The following IFT88 variants were observed in gnomAD, a reference collection of about 807,000 sequenced individuals.
IFT88 encodes the protein intraflagellar transport protein 88 homolog.
A neutral mutation model predicts 119.5 loss-of-function variants in IFT88; 74 were observed. The ratio of observed to expected loss-of-function variants is 0.62; its 90% CI spans 0.51 to 0.75. IFT88 has a LOEUF of 0.75. IFT88 is among the 30% of genes least tolerant of loss of function. The pLI, the probability that IFT88 is intolerant of heterozygous loss-of-function variation, is 0.00. For synonymous variants in IFT88, 279 were observed against 316.7 expected (o/e 0.88, Z 1.26); for missense variants, 961 against 977.7 (o/e 0.98, Z 0.23).
At chr13:20,690,575 C>T (rs2058376087) in intron 24 of IFT88, 130 bp from the exon 25 acceptor site, 1 of 597,604 alleles carries the variant, frequency 1.7e-6, no homozygotes, top group Non-Finnish European at 3.0e-6. Context: ...AATTATATCC[C>T]TAAGAAGCTG....
intron 13 of IFT88, among the ~76,000 whole-genome samples, chr13:20,609,484 C>T (rs530429343): frequency 2.0e-5 from 3 of 152,208 alleles, no homozygotes; most frequent in East Asian, 1.9e-4. Context: ...GGGCTGGGTG[C>T]GGTGGTTCAA....
intron 2 of IFT88, among the ~76,000 whole-genome samples, chr13:20,579,359 G>A (rs146564286): frequency 7.9e-5 from 12 of 152,154 alleles, no homozygotes; most frequent in African/African-American, 2.2e-4. Context: ...GCACTGAACC[G>A]TAAGACAAAG....
chr13:20,668,136 G>C (rs117279393), intron 23 of IFT88, among the ~76,000 whole-genome samples: 110 of 152,298 alleles, frequency 7.2e-4, no homozygotes, highest in African/African-American at 2.5e-3. Flanking sequence ...CACTCTTAAA[G>C]GGCAAGGTCA....
intron 15 of IFT88, among the ~76,000 whole-genome samples, chr13:20,626,818 C>G (rs555149298): frequency 1.3e-5 from 2 of 152,164 alleles, no homozygotes; most frequent in African/African-American, 4.8e-5. Context: ...ATGTCCTAGT[C>G]TGTAACACCA....
chr13:20,574,674 G>A (rs1423182630), intron 2 of IFT88, among the ~76,000 whole-genome samples, 199 bp downstream of exon 2: 1 of 152,112 alleles, frequency 6.6e-6, no homozygotes, highest in Non-Finnish European at 1.5e-5. Flanking sequence ...CATGAGACAG[G>A]TTACAAAAAT....
chr13:20,625,728 T>A, intron 14 of IFT88, 22 bp from the exon 15 acceptor site: 1 of 1,523,338 alleles, frequency 6.6e-7, no homozygotes, highest in Admixed American at 2.1e-5. Flanking sequence ...TCAAGTAAGG[T>A]TTTTTATGCT....
chr13:20,657,466 A>G (rs1187214289), intron 22 of IFT88, among the ~76,000 whole-genome samples: 2 of 152,284 alleles, frequency 1.3e-5, no homozygotes, highest in African/African-American at 4.8e-5. Context: ...ATGTGGAAAT[A>G]TAAAGCAATT....
chr13:20,690,637 G>T, intron 24 of IFT88, 68 bp from the exon 25 acceptor site: 1 of 1,006,222 alleles, frequency 9.9e-7, no homozygotes, highest in African/African-American at 1.6e-5. Context: ...TATGCTTTAA[G>T]ATGCATAATG....
At chr13:20,659,047 T>C (rs2053358906) in intron 22 of IFT88, among the ~76,000 whole-genome samples, 1 of 152,272 alleles carries the variant, frequency 6.6e-6, no homozygotes. Context: ...TGGAATGTGC[T>C]GTTTTAAGAA....
At chr13:20,602,206 CTTT>C (rs11458148) in intron 12 of IFT88, among the ~76,000 whole-genome samples, 3 of 118,182 alleles carry the variant, frequency 2.5e-5, no homozygotes, top group Non-Finnish European at 1.7e-5. Context: ...AGCATAATAT[CTTT>C]TTTTTTTTTT....
intron 15 of IFT88, among the ~76,000 whole-genome samples, chr13:20,626,154 G>A (rs534904754): frequency 2.3e-5 from 3 of 128,082 alleles, no homozygotes; most frequent in Admixed American, 9.8e-5. Flanking sequence ...TCTGCCTCCC[G>A]GGTTCACACC....
At chr13:20,675,716 T>C (rs1174836969) in intron 24 of IFT88, among the ~76,000 whole-genome samples, 7 of 152,258 alleles carry the variant, frequency 4.6e-5, no homozygotes, top group African/African-American at 1.7e-4. Context: ...TGAATAAATG[T>C]GATAGTGTTC....
intron 24 of IFT88, among the ~76,000 whole-genome samples, chr13:20,686,506 A>G (rs2141268136): frequency 6.6e-6 from 1 of 152,268 alleles, no homozygotes; most frequent in Admixed American, 6.5e-5. Flanking sequence ...GAGCAGGAGC[A>G]CAGTTAACAC....
intron 13 of IFT88, chr13:20,608,193 TC>T: frequency 3.5e-6 from 1 of 289,282 alleles, no homozygotes; most frequent in Non-Finnish European, 7.0e-6. Flanking sequence ...TGCGACGGCT[TC>T]CCCTGCCCCC....
chr13:20,592,676 G>A (rs961155041), intron 7 of IFT88, among the ~76,000 whole-genome samples: 1 of 152,000 alleles, frequency 6.6e-6, no homozygotes, highest in Non-Finnish European at 1.5e-5. Context: ...TGCCATGCTG[G>A]CTAGGCTGGT....
intron 2 of IFT88, among the ~76,000 whole-genome samples, chr13:20,580,780 C>T (rs2038455284): frequency 7.1e-6 from 1 of 140,546 alleles, no homozygotes; most frequent in Non-Finnish European, 1.5e-5. Flanking sequence ...GGGTGGAGTG[C>T]ATTGGCGCGA....
Position 20,634,988 on chromosome 13 carries a change from G to A in IFT88, c.1387-3344G>A, listed in dbSNP as rs9579910. ...CAACAGGCCCCGGTGTGTGATGTTC[G>A]CCTTCCTGTGTCCATGTGTTCTCAT... On this transcript the variant is annotated intron_variant, in intron 16 of 25. Transcript: ENST00000351808. Among the ~76,000 whole-genome samples, 79 of 127,028 alleles carry A rather than the reference G, an allele frequency of 6.2e-4. 1 individual carries two copies. The South Asian group carries it at 0.017, about 27-fold the overall frequency. The allele number at this position is 127,028 out of a possible 152,430, so 83.3% of individuals were successfully genotyped here.
intron 23 of IFT88, among the ~76,000 whole-genome samples, chr13:20,667,417 C>T (rs769678909): frequency 5.3e-5 from 8 of 152,100 alleles, no homozygotes; most frequent in Non-Finnish European, 7.4e-5. Context: ...ACAGGACCCT[C>T]GGGCCCCTGA....
intron 12 of IFT88, among the ~76,000 whole-genome samples, chr13:20,604,619 T>C (rs2043117887): frequency 6.6e-6 from 1 of 152,200 alleles, no homozygotes; most frequent in South Asian, 2.1e-4. Context: ...ATTAATTTAC[T>C]CTCCCTTTTT....
Sources: allele counts gnomAD v4.1 joint callset (sites outside exome capture counted in the v4.1 genomes callset), GRCh38; gene constraint gnomAD v4.1.1; transcripts MANE v1.5; gene names NCBI Gene and HGNC (gene_info 2026-07-23, HGNC 2026-07-21).